DENND4A: variants seen among roughly 807,000 people sequenced by gnomAD.
The protein encoded by DENND4A is C-myc promoter-binding protein.
DENND4A carries 70 observed loss-of-function variants against 199.3 expected under a neutral mutation model. The observed-to-expected ratio is 0.35, with a 90% confidence interval of 0.29 to 0.43. The LOEUF (loss-of-function observed/expected upper bound fraction) is 0.43, where lower values mean the gene tolerates loss of function less well. Among genes scored for constraint, DENND4A ranks in the 20% least tolerant of loss-of-function variants. DENND4A has a pLI of 1.00. For missense variants in DENND4A, 1,723 were observed against 2,255.8 expected, an observed-to-expected ratio of 0.76 and a Z score of 4.78; for synonymous variants, 686 against 766.9, an observed-to-expected ratio of 0.89 and a Z score of 1.74.
rs1377429249 is a variant in DENND4A, at chr15:65,761,387, A to C, written c.-50T>G. On this transcript the variant is annotated 5_prime_UTR_variant, in exon 2 of 33. Coordinates refer to ENST00000443035, the MANE Select transcript of DENND4A (RefSeq NM_001320835.1). Reference sequence around the variant, plus strand: ...ATTACCGAAAGTTTCTCTCTGAAAAAGATGACAGATTTCAATGTGTGAACT... The same window carrying C: ...ATTACCGAAAGTTTCTCTCTGAAAACGATGACAGATTTCAATGTGTGAACT... 3 of 152,240 alleles carry C rather than the reference A, an allele frequency of 2.0e-5. No individual in the cohort carries two copies. The highest frequency in any genetic ancestry group is 2.9e-5 in the Non-Finnish European group (2 of 68,046). The allele number at this position is 152,240 out of a possible 1,614,324, so 9.4% of individuals were successfully genotyped here.
intron 5 of DENND4A, among the ~76,000 whole-genome samples, chr15:65,740,678 A>C (rs974199774): frequency 6.6e-6 from 1 of 151,876 alleles, no homozygotes; most frequent in East Asian, 1.9e-4. Flanking sequence ...AAAATATCAA[A>C]GGCCGGGTAT....
At chr15:65,665,233 A>G in intron 30 of DENND4A, 112 bp downstream of exon 30, 1 of 768,460 alleles carries the variant, frequency 1.3e-6, no homozygotes, top group Non-Finnish European at 2.0e-6. Flanking sequence ...GACCTGTAAG[A>G]CAAAAAGTAG....
At position 65,757,209 on chromosome 15, in the gene DENND4A, T is replaced by A. The variant is rs191393604; in HGVS notation, c.-22-737A>T. ...ACCACTGAGTGGGGAAATTTACTGATCTCCTCAATAATCAAGAGGCTTGTG... is the reference window on the plus strand; with the variant it reads ...ACCACTGAGTGGGGAAATTTACTGAACTCCTCAATAATCAAGAGGCTTGTG... On this transcript the variant is annotated intron_variant, in intron 2 of 32. Coordinates refer to ENST00000443035, the MANE Select transcript of DENND4A (RefSeq NM_001320835.1). Among the ~76,000 whole-genome samples the A allele has an allele frequency of 1.1e-3, 163 of 146,046 alleles. 1 individual carries two copies. Among genetic ancestry groups the A allele is most frequent in the East Asian group, 6.4e-4 (3 of 4,670 alleles).
intron 1 of DENND4A, among the ~76,000 whole-genome samples, chr15:65,768,860 G>C (rs1397106365): frequency 1.3e-5 from 2 of 151,948 alleles, no homozygotes; most frequent in Admixed American, 1.3e-4. Context: ...CGGACGTGGT[G>C]GCGGGTGCCT....
chr15:65,676,141 A>AAAAAATATATATATATATATATATAT (rs1362535499), intron 24 of DENND4A, among the ~76,000 whole-genome samples: 1 of 110,448 alleles, frequency 9.1e-6, no homozygotes, highest in East Asian at 6.0e-4. Context: ...AATAAGGAAA[A>AAAAAATATATATATATATATATATAT]ATATATATAT....
intron 5 of DENND4A, among the ~76,000 whole-genome samples, chr15:65,739,242 T>A (rs1244047669): frequency 1.3e-5 from 2 of 152,236 alleles, no homozygotes; most frequent in Non-Finnish European, 2.9e-5. Flanking sequence ...TTCATCTATC[T>A]ACTTCATCAG....
At chr15:65,787,559 A>T (rs1254430503) in intron 1 of DENND4A, among the ~76,000 whole-genome samples, 1 of 152,218 alleles carries the variant, frequency 6.6e-6, no homozygotes, top group African/African-American at 2.4e-5. Flanking sequence ...GCCATAGATG[A>T]ATATATACCC....
intron 1 of DENND4A, among the ~76,000 whole-genome samples, chr15:65,780,510 C>A (rs1375371948): frequency 6.6e-6 from 1 of 152,108 alleles, no homozygotes; most frequent in Non-Finnish European, 1.5e-5. Context: ...AAATGTTGGA[C>A]CTCCTAGAAA....
At chr15:65,695,977 A>G (rs190206372) in intron 22 of DENND4A, among the ~76,000 whole-genome samples, 1 of 152,264 alleles carries the variant, frequency 6.6e-6, no homozygotes, top group East Asian at 1.9e-4. Flanking sequence ...AAACTATCTG[A>G]AGGACTATCC....
At chr15:65,732,925 T>C (rs1381411588) in intron 7 of DENND4A, 107 bp from the exon 8 acceptor site, 2 of 630,848 alleles carry the variant, frequency 3.2e-6, no homozygotes, top group Non-Finnish European at 2.8e-6. Flanking sequence ...GTGTCCCTAT[T>C]ATTTTGAAAT....
chr15:65,764,556 T>C (rs1183020251), intron 1 of DENND4A, among the ~76,000 whole-genome samples: 2 of 152,010 alleles, frequency 1.3e-5, no homozygotes, highest in East Asian at 3.9e-4. Context: ...GCTTGAACCC[T>C]GGAGGCGGAG....
chr15:65,687,213 TCATTTAAAGTCTA>T (rs1205556652), intron 23 of DENND4A, among the ~76,000 whole-genome samples: 2 of 152,178 alleles, frequency 1.3e-5, no homozygotes, highest in Non-Finnish European at 2.9e-5. Context: ...ACATATCTAA[TCATTTAAAGTCTA>T]CTTGGAGTTA....
intron 1 of DENND4A, among the ~76,000 whole-genome samples, chr15:65,786,959 T>C (rs1399624410): frequency 6.6e-6 from 1 of 152,198 alleles, no homozygotes. Flanking sequence ...ACATGATCTG[T>C]AATATTCAAG....
intron 14 of DENND4A, among the ~76,000 whole-genome samples, chr15:65,706,792 C>G (rs1476856035): frequency 6.6e-6 from 1 of 152,112 alleles, no homozygotes; most frequent in Non-Finnish European, 1.5e-5. Context: ...CAGCGCCCGG[C>G]CTTTCATTTT....
At chr15:65,706,309 T>G (rs556206446) in intron 14 of DENND4A, 85 bp from the exon 15 acceptor site, 6 of 1,260,732 alleles carry the variant, frequency 4.8e-6, no homozygotes, top group Middle Eastern at 5.5e-4. Context: ...AAATAAACCA[T>G]CTGCACAATG....
rs2076165822 is a variant in DENND4A at position 65,669,916 on chromosome 15, T to C, written c.4650A>G (p.Leu1550=). The C allele has an allele frequency of 1.9e-6, 3 of 1,613,934 alleles. No homozygotes were observed. Among genetic ancestry groups the C allele is most frequent in the East Asian group, 4.5e-5 (2 of 44,872 alleles). The stretch of plus-strand genomic sequence containing the variant: ...TATTTTCTGTTGATGGGCTTGACTT[T>C]AGAAAGTATCTGTAATGTGAATCGA... ...RDLRRPGRYF[L]KSSPSTENMH... Residue 1550 remains leucine (L), a synonymous_variant, in exon 27 of 33, where the codon CTA becomes CTG. Coordinates refer to ENST00000443035, the MANE Select transcript of DENND4A (RefSeq NM_001320835.1).
chr15:65,789,918 G>A (rs2077669617), intron 1 of DENND4A, among the ~76,000 whole-genome samples: 1 of 152,180 alleles, frequency 6.6e-6, no homozygotes, highest in African/African-American at 2.4e-5. Context: ...CACTTTGGGA[G>A]GCCAAGGCGG....
chr15:65,666,240 A>G (rs2076033551), intron 29 of DENND4A, among the ~76,000 whole-genome samples: 1 of 152,222 alleles, frequency 6.6e-6, no homozygotes, highest in South Asian at 2.1e-4. Flanking sequence ...ATTAACAATA[A>G]CTAATAATAA....
intron 22 of DENND4A, among the ~76,000 whole-genome samples, chr15:65,694,506 A>G (rs1288203271): frequency 6.6e-6 from 1 of 152,174 alleles, no homozygotes; most frequent in Non-Finnish European, 1.5e-5. Flanking sequence ...CCAATCAAAC[A>G]TTAAAACATA....
Sources: gnomAD v4.1 joint callset for allele counts (sites outside exome capture counted in the v4.1 genomes callset) on GRCh38, gnomAD v4.1.1 for gene constraint, MANE v1.5 for transcripts, NCBI Gene and HGNC (gene_info 2026-07-23, HGNC 2026-07-21) for gene names.